Variants in GNAI1 observed in about 807,000 individuals in gnomAD.
The protein encoded by GNAI1 is guanine nucleotide-binding protein G(i) subunit alpha-1.
GNAI1 carries 11 observed loss-of-function variants against 38.9 expected under a neutral mutation model. The ratio of observed to expected loss-of-function variants is 0.28; its 90% CI spans 0.18 to 0.47. GNAI1 has a LOEUF of 0.47. GNAI1 is among the 20% of genes least tolerant of loss of function. The probability of loss-of-function intolerance (pLI) is 0.99; values close to 1 mark genes in which losing one functional copy is unlikely to be tolerated. For missense variants in GNAI1, 317 were observed against 436.9 expected (o/e 0.73, Z 2.45); for synonymous variants, 166 against 145.1 (o/e 1.14, Z -1.04).
Position 80,151,341 on chromosome 7 carries a change from A to G in GNAI1, c.118+16063A>G, listed in dbSNP as rs185050578. ...ATTGCAAAATCACTTCAATATACAA[A>G]ACTATGAAAACATATAATTAAGTAG... On this transcript the variant is annotated intron_variant, in intron 1 of 7. Transcript: ENST00000649796. Among the ~76,000 whole-genome samples the G allele has an allele frequency of 5.9e-4, 90 of 152,306 alleles. 1 individual carries two copies. Among genetic ancestry groups the G allele is most frequent in the African/African-American group, 2.2e-3 (90 of 41,566 alleles).
intron 3 of GNAI1, among the ~76,000 whole-genome samples, chr7:80,192,699 CTGTT>C (rs1238405185): frequency 2.0e-5 from 3 of 151,814 alleles, no homozygotes; most frequent in Non-Finnish European, 4.4e-5. Flanking sequence ...GGTTTTTTTT[CTGTT>C]TGTTTTTTTT....
chr7:80,210,745 T>G (rs1362320233), intron 5 of GNAI1, among the ~76,000 whole-genome samples: 2 of 141,870 alleles, frequency 1.4e-5, no homozygotes, highest in Non-Finnish European at 3.1e-5. Flanking sequence ...TTTTTTTTTT[T>G]AGAGATACCC....
At chr7:80,175,386 A>G (rs200308210) in intron 1 of GNAI1, among the ~76,000 whole-genome samples, 2 of 138,340 alleles carry the variant, frequency 1.4e-5, no homozygotes, top group African/African-American at 5.1e-5. Context: ...GTGTGTGTGT[A>G]TAAAAATAAT....
rs1789078883 is a variant in GNAI1 at position 80,221,642 on chromosome 7, T to TC, written c.*4149_*4150insC. ...ATGTTAGGTTGGAAATTTTCTTTTT[T>TC]TTTTTTTTTTTTTTTTTTTGGTATG... On this transcript the variant is annotated 3_prime_UTR_variant, in exon 8 of 8. Transcript: ENST00000649796. 1.2e-5 allele frequency among the ~76,000 whole-genome samples: 1 copy of TC among 84,170 alleles called. No individual in the cohort carries two copies. The highest frequency in any genetic ancestry group is 2.6e-5 in the Non-Finnish European group (1 of 38,712). 55.2% of individuals were successfully genotyped at this position (84,170 alleles called of 152,430 possible).
At chr7:80,138,945 A>C (rs1787474345) in intron 1 of GNAI1, among the ~76,000 whole-genome samples, 1 of 152,276 alleles carries the variant, frequency 6.6e-6, no homozygotes, top group South Asian at 2.1e-4. Context: ...CTGCATCATT[A>C]ATCTTCACTC....
Position 80,222,022 on chromosome 7 carries a change from C to T in GNAI1, c.*4529C>T, listed in dbSNP as rs1044679890. Among the ~76,000 whole-genome samples, 4 of 152,160 alleles carry T rather than the reference C, an allele frequency of 2.6e-5. No individual in the cohort carries two copies. The highest frequency in any genetic ancestry group is 7.2e-5 in the African/African-American group (3 of 41,424). ...TAAAGAAGTTTACGTTTCACAATCCCACTGGCCTGTTTCCCAGGCATTTTT... is the reference window on the plus strand; with the variant it reads ...TAAAGAAGTTTACGTTTCACAATCCTACTGGCCTGTTTCCCAGGCATTTTT... On this transcript the variant is annotated 3_prime_UTR_variant, in exon 8 of 8. Transcript: ENST00000649796.
At chr7:80,158,320 A>C (rs1302289797) in intron 1 of GNAI1, among the ~76,000 whole-genome samples, 2 of 152,172 alleles carry the variant, frequency 1.3e-5, no homozygotes, top group African/African-American at 4.8e-5. Context: ...CAGTATTCTA[A>C]TATTTAGCAG....
chr7:80,178,660 T>A (rs1788236969), intron 1 of GNAI1, among the ~76,000 whole-genome samples: 1 of 152,232 alleles, frequency 6.6e-6, no homozygotes, highest in Non-Finnish European at 1.5e-5. Flanking sequence ...ATCATGCTAT[T>A]GCATAGTTAA....
At chr7:80,210,073 C>T (rs1474924467) in intron 5 of GNAI1, among the ~76,000 whole-genome samples, 1 of 152,132 alleles carries the variant, frequency 6.6e-6, no homozygotes, top group Non-Finnish European at 1.5e-5. Flanking sequence ...TTAATTAGTG[C>T]ACCATCTAGA....
chr7:80,175,553 CTTT>C (rs564032256), intron 1 of GNAI1, among the ~76,000 whole-genome samples: 3 of 132,156 alleles, frequency 2.3e-5, no homozygotes, highest in Admixed American at 7.7e-5. Context: ...CAGATACTGC[CTTT>C]TTTTTTTTTT....
At chr7:80,136,906 T>G (rs2116057649) in intron 1 of GNAI1, among the ~76,000 whole-genome samples, 1 of 152,306 alleles carries the variant, frequency 6.6e-6, no homozygotes, top group African/African-American at 2.4e-5. Context: ...AGGAGTAGGC[T>G]TTTGCTTATG....
At chr7:80,165,024 G>A (rs1333143953) in intron 1 of GNAI1, among the ~76,000 whole-genome samples, 1 of 152,120 alleles carries the variant, frequency 6.6e-6, no homozygotes, top group African/African-American at 2.4e-5. Flanking sequence ...TTATATGTGA[G>A]GATGTATTGT....
rs139181953 is a variant in GNAI1, at chr7:80,139,352, A to G, written c.118+4074A>G. On this transcript the variant is annotated intron_variant, in intron 1 of 7. Coordinates refer to ENST00000649796, the MANE Select transcript of GNAI1 (RefSeq NM_002069.6). The stretch of plus-strand genomic sequence containing the variant: ...CTTCCTTGCTCAGAAACCTTTGTTG[A>G]CTTTTCCGTTTCCTGCAGAATAAAA... Among the ~76,000 whole-genome samples the G allele has an allele frequency of 2.5e-3, 379 of 152,038 alleles. 3 individuals are homozygous for G. The highest frequency in any genetic ancestry group is 8.0e-3 in the African/African-American group (333 of 41,460).
chr7:80,214,055 T>C (rs1788918075), intron 7 of GNAI1, among the ~76,000 whole-genome samples: 1 of 152,086 alleles, frequency 6.6e-6, no homozygotes, highest in African/African-American at 2.4e-5. Flanking sequence ...CCAAGTCCAT[T>C]GTCCTCCTGC....
At chr7:80,207,331 T>G (rs1008457268) in intron 5 of GNAI1, among the ~76,000 whole-genome samples, 1 of 152,066 alleles carries the variant, frequency 6.6e-6, no homozygotes, top group African/African-American at 2.4e-5. Context: ...GACCATAGTT[T>G]TCACTTCCAG....
chr7:80,155,941 A>G (rs147648128), intron 1 of GNAI1, among the ~76,000 whole-genome samples: 3 of 151,172 alleles, frequency 2.0e-5, no homozygotes, highest in Non-Finnish European at 4.4e-5. Flanking sequence ...AGTCCCAGCT[A>G]CTCAGGAGAC....
rs188061984 is a variant in GNAI1 at position 80,177,359 on chromosome 7, A to G, written c.119-11592A>G. On this transcript the variant is annotated intron_variant, in intron 1 of 7. Coordinates refer to ENST00000649796, the MANE Select transcript of GNAI1 (RefSeq NM_002069.6). ...TATCTTTTTAGAGCGTGGTTTTCCT[A>G]ATATCTTAAGCCCAGTGTTAAGACC... is the stretch of plus-strand genomic sequence containing the variant. Among the ~76,000 whole-genome samples, 6 of 152,228 alleles carry G rather than the reference A, an allele frequency of 3.9e-5. No individual in the cohort carries two copies. In the East Asian group the frequency reaches 1.2e-3, roughly 29 times the overall value.
chr7:80,195,706 G>A (rs1209247531), intron 3 of GNAI1, among the ~76,000 whole-genome samples: 3 of 151,892 alleles, frequency 2.0e-5, no homozygotes, highest in African/African-American at 7.2e-5. Context: ...TTTTAGAAGG[G>A]CTTGCAGATC....
At chr7:80,191,886 T>C (rs575915081) in intron 3 of GNAI1, among the ~76,000 whole-genome samples, 1 of 152,362 alleles carries the variant, frequency 6.6e-6, no homozygotes, top group African/African-American at 2.4e-5. Context: ...ACTTAGGTGT[T>C]ATCAACATTT....
Sources: allele counts gnomAD v4.1 joint callset (sites outside exome capture counted in the v4.1 genomes callset), GRCh38; gene constraint gnomAD v4.1.1; transcripts MANE v1.5; gene names NCBI Gene and HGNC (gene_info 2026-07-23, HGNC 2026-07-21).